The following KCNK2 variants were observed in gnomAD, a reference collection of about 807,000 sequenced individuals.
KCNK2 encodes potassium channel subfamily K member 2.
In KCNK2, 21 loss-of-function variants were observed where a neutral mutation model predicts 40.5. The observed-to-expected ratio is 0.52, with a 90% CI of 0.37 to 0.75. The LOEUF is 0.75. Among genes scored for constraint, KCNK2 ranks in the 30% least tolerant of loss-of-function variants. The pLI is 0.00. For missense variants in KCNK2, 399 were observed against 531.6 expected (o/e 0.75, Z 2.45); for synonymous variants, 191 against 202.2 (o/e 0.94, Z 0.47).
intron 5 of KCNK2, among the ~76,000 whole-genome samples, chr1:215,174,876 A>T (rs1663883605): frequency 6.6e-6 from 1 of 152,116 alleles, no homozygotes; most frequent in South Asian, 2.1e-4. Context: ...GGCCGAGACG[A>T]TGGGGTTTTC....
intron 2 of KCNK2, among the ~76,000 whole-genome samples, chr1:215,121,561 C>T (rs537845384): frequency 1.7e-4 from 26 of 152,246 alleles, no homozygotes; most frequent in Admixed American, 5.2e-4. Flanking sequence ...AGGCAGGAGC[C>T]GCCACACTTG....
chr1:215,215,407 G>T (rs947083912), intron 6 of KCNK2, among the ~76,000 whole-genome samples: 5 of 152,060 alleles, frequency 3.3e-5, no homozygotes, highest in Admixed American at 1.3e-4. Context: ...ACAGCTCCCT[G>T]TTAAATGGAT....
chr1:215,204,238 A>C (rs908525507), intron 6 of KCNK2, among the ~76,000 whole-genome samples: 1 of 151,760 alleles, frequency 6.6e-6, no homozygotes, highest in Non-Finnish European at 1.5e-5. Context: ...TTCTTAAAAA[A>C]ATAAAAATGT....
Position 215,083,215 on chromosome 1 carries a change from C to CG in KCNK2, c.-170dup. On this transcript the variant is annotated 5_prime_UTR_variant, in exon 1 of 7. Transcript: ENST00000444842. Reference sequence around the variant, plus strand: ...ACGCTCCCCCCCCCGCCCCCTCCCGCGTCCAGCCCCGCTCTCCCCACCTTG... The same window carrying CG: ...ACGCTCCCCCCCCCGCCCCCTCCCGCGGTCCAGCCCCGCTCTCCCCACCTTG... 1 of 1,347,056 alleles carries CG rather than the reference C, an allele frequency of 7.4e-7. No homozygotes were observed. Among genetic ancestry groups the CG allele is most frequent in the Non-Finnish European group, 1.0e-6 (1 of 990,720 alleles). The allele number at this position is 1,347,056 out of a possible 1,614,324, so 83.4% of individuals were successfully genotyped here.
intron 1 of KCNK2, among the ~76,000 whole-genome samples, chr1:215,084,431 A>T (rs183241664): frequency 1.3e-5 from 2 of 152,318 alleles, no homozygotes; most frequent in East Asian, 3.9e-4. Context: ...ATTTAGAGAG[A>T]TAATTGTGGA....
At chr1:215,089,836 T>C (rs1659616503) in intron 2 of KCNK2, among the ~76,000 whole-genome samples, 1 of 65,698 alleles carries the variant, frequency 1.5e-5, no homozygotes, top group African/African-American at 6.0e-5. Flanking sequence ...TTTTTTTTTT[T>C]TTATTTTGAA....
At chr1:215,007,185 GTATATATATA>G (rs1162302568) in intron 1 of KCNK2, among the ~76,000 whole-genome samples, 106 of 31,012 alleles carry the variant, frequency 3.4e-3, no homozygotes, top group South Asian at 8.4e-3. Flanking sequence ...ATGTGTGTGG[GTATATATATA>G]TATATATATA....
At chr1:215,190,969 C>A (rs1311120398) in intron 5 of KCNK2, among the ~76,000 whole-genome samples, 2 of 151,186 alleles carry the variant, frequency 1.3e-5, no homozygotes, top group Non-Finnish European at 3.0e-5. Flanking sequence ...GCCAATTTTT[C>A]TTTCTTTCTT....
At chr1:215,200,354 T>C (rs75443438) in intron 6 of KCNK2, among the ~76,000 whole-genome samples, 1 of 152,196 alleles carries the variant, frequency 6.6e-6, no homozygotes, top group Admixed American at 6.5e-5. Flanking sequence ...GCAATGACTG[T>C]TTCAGGAAAA....
chr1:215,194,829 A>G, intron 5 of KCNK2, 124 bp from the exon 6 acceptor site: 1 of 639,430 alleles, frequency 1.6e-6, no homozygotes, highest in Non-Finnish European at 2.6e-6. Flanking sequence ...ATGTAACTCC[A>G]TTGATAAGAA....
intron 1 of KCNK2, among the ~76,000 whole-genome samples, chr1:215,059,307 A>G (rs184986082): frequency 3.0e-4 from 45 of 152,196 alleles, no homozygotes; most frequent in African/African-American, 1.0e-3. Flanking sequence ...TACTTTAGTG[A>G]ACGCTGCTGA....
intron 5 of KCNK2, among the ~76,000 whole-genome samples, chr1:215,182,209 G>T (rs1434123817): frequency 6.6e-6 from 1 of 151,990 alleles, no homozygotes; most frequent in Non-Finnish European, 1.5e-5. Flanking sequence ...CTGCCTGGGT[G>T]TGGAGCAGAG....
intron 1 of KCNK2, among the ~76,000 whole-genome samples, chr1:215,009,471 C>T (rs1656300639): frequency 6.6e-6 from 1 of 152,060 alleles, no homozygotes; most frequent in Non-Finnish European, 1.5e-5. Flanking sequence ...TTCATTTTAT[C>T]TCACTTTGAA....
chr1:215,057,078 A>G (rs1658194649), intron 1 of KCNK2, among the ~76,000 whole-genome samples: 1 of 152,074 alleles, frequency 6.6e-6, no homozygotes, highest in Non-Finnish European at 1.5e-5. Flanking sequence ...AAATGTATAC[A>G]CTGCTACTCC....
At position 215,083,234 on chromosome 1, in the gene KCNK2, C is replaced by G. The variant is rs1006124241; in HGVS notation, c.-152C>G. On this transcript the variant is annotated 5_prime_UTR_variant, in exon 1 of 7. Transcript: ENST00000444842. ...CTCCCGCGTCCAGCCCCGCTCTCCCCACCTTGTAAAACAAAGCCGGGGAAA... is the reference window on the plus strand; with the variant it reads ...CTCCCGCGTCCAGCCCCGCTCTCCCGACCTTGTAAAACAAAGCCGGGGAAA... The G allele has an allele frequency of 4.7e-5, 75 of 1,604,314 alleles. No individual in the cohort carries two copies. In the Admixed American group the frequency reaches 1.1e-3, roughly 24 times the overall value.
chr1:215,093,618 A>G (rs1378631339), intron 2 of KCNK2, among the ~76,000 whole-genome samples: 1 of 103,352 alleles, frequency 9.7e-6, no homozygotes, highest in Non-Finnish European at 1.7e-5. Context: ...TATATAATAT[A>G]TAATATAGAA....
At chr1:215,125,955 T>C (rs1661417546) in intron 3 of KCNK2, among the ~76,000 whole-genome samples, 1 of 151,788 alleles carries the variant, frequency 6.6e-6, no homozygotes, top group Non-Finnish European at 1.5e-5. Context: ...AAAATATATG[T>C]AAAAAAGGGA....
intron 1 of KCNK2, among the ~76,000 whole-genome samples, chr1:215,041,902 G>A (rs867934160): frequency 4.0e-4 from 61 of 152,246 alleles, no homozygotes; most frequent in Middle Eastern, 3.4e-3. Flanking sequence ...AGTTTAACGG[G>A]CTCACAGTTC....
At chr1:215,188,759 A>G (rs1015706118) in intron 5 of KCNK2, among the ~76,000 whole-genome samples, 1 of 152,208 alleles carries the variant, frequency 6.6e-6, no homozygotes, top group African/African-American at 2.4e-5. Flanking sequence ...TAACAAGGAA[A>G]GTACCTGATA....
Sources: allele counts gnomAD v4.1 joint callset (sites outside exome capture counted in the v4.1 genomes callset), GRCh38; gene constraint gnomAD v4.1.1; transcripts MANE v1.5; gene names NCBI Gene and HGNC (gene_info 2026-07-23, HGNC 2026-07-21).